LAMA2: variants seen among roughly 807,000 people sequenced by gnomAD.
LAMA2 encodes laminin subunit alpha 2, also known as laminin subunit alpha-2.
A neutral mutation model predicts 364.8 loss-of-function variants in LAMA2; 269 were observed. The observed-to-expected ratio is 0.74, with a 90% CI of 0.67 to 0.82. The LOEUF is 0.82. Among genes scored for constraint, LAMA2 ranks in the 40% least tolerant of loss-of-function variants. The pLI is 0.00. For synonymous variants in LAMA2, 1,379 were observed against 1,370.6 expected, an observed-to-expected ratio of 1.01 and a Z score of -0.14; for missense variants, 3,807 against 3,873.2, an observed-to-expected ratio of 0.98 and a Z score of 0.45.
At chr6:129,380,642 A>C (rs1778629961) in intron 34 of LAMA2, among the ~76,000 whole-genome samples, 1 of 152,222 alleles carries the variant, frequency 6.6e-6, no homozygotes, top group African/African-American at 2.4e-5. Context: ...CCCAGTCTTT[A>C]CAGGTGTTGA....
intron 12 of LAMA2, among the ~76,000 whole-genome samples, chr6:129,225,169 C>T (rs531432262): frequency 1.7e-4 from 26 of 152,192 alleles, no homozygotes; most frequent in Admixed American, 5.9e-4. Context: ...TCTGTGGGAT[C>T]GGTGGTGATA....
intron 45 of LAMA2, among the ~76,000 whole-genome samples, chr6:129,447,873 G>A (rs1423155914): frequency 6.6e-6 from 1 of 152,244 alleles, no homozygotes; most frequent in Non-Finnish European, 1.5e-5. Flanking sequence ...ATCAAGTGGA[G>A]AAATCTAGAC....
chr6:129,066,038 G>GT (rs544271722), intron 3 of LAMA2, among the ~76,000 whole-genome samples: 804 of 37,100 alleles, frequency 0.022, 91 homozygotes, highest in African/African-American at 0.057. Context: ...CCAGTCTCAG[G>GT]TTTTTTTTTT....
At chr6:129,455,926 G>T (rs1031138778) in intron 47 of LAMA2, among the ~76,000 whole-genome samples, 2 of 152,136 alleles carry the variant, frequency 1.3e-5, no homozygotes, top group Non-Finnish European at 2.9e-5. Context: ...AATTAAATTA[G>T]ACAAAATGCT....
chr6:128,945,796 T>C (rs1450677932), intron 1 of LAMA2, among the ~76,000 whole-genome samples: 1 of 152,188 alleles, frequency 6.6e-6, no homozygotes. Context: ...GATTGGAGCC[T>C]GTGAATATGA....
intron 51 of LAMA2, among the ~76,000 whole-genome samples, chr6:129,468,202 A>C (rs1169806719): frequency 6.6e-6 from 1 of 151,696 alleles, no homozygotes; most frequent in African/African-American, 2.4e-5. Context: ...TTGTATCTCT[A>C]TGGTATCACC....
intron 29 of LAMA2, among the ~76,000 whole-genome samples, chr6:129,338,343 T>G (rs1167102594): frequency 6.6e-6 from 1 of 152,218 alleles, no homozygotes; most frequent in African/African-American, 2.4e-5. Context: ...CACTCCCCAG[T>G]TAACACTTAT....
intron 12 of LAMA2, among the ~76,000 whole-genome samples, chr6:129,219,571 C>T (rs1783658455): frequency 2.0e-5 from 3 of 149,724 alleles, no homozygotes; most frequent in Admixed American, 1.3e-4. Context: ...AGACTTGGAA[C>T]CAACCCAAAT....
intron 55 of LAMA2, among the ~76,000 whole-genome samples, chr6:129,485,432 T>C (rs1404231998): frequency 1.3e-5 from 2 of 152,252 alleles, no homozygotes; most frequent in African/African-American, 4.8e-5. Context: ...TAAAATATCA[T>C]AGTATATGCT....
chr6:129,282,998 A>T (rs1234945260), intron 18 of LAMA2, among the ~76,000 whole-genome samples: 2 of 152,178 alleles, frequency 1.3e-5, no homozygotes, highest in Non-Finnish European at 2.9e-5. Flanking sequence ...GAATGGCCAA[A>T]CAAGATACAA....
chr6:129,123,320 A>G (rs1322772344), intron 4 of LAMA2, among the ~76,000 whole-genome samples: 1 of 151,304 alleles, frequency 6.6e-6, no homozygotes, highest in Non-Finnish European at 1.5e-5. Flanking sequence ...AAAAAAAAAA[A>G]GGAACTACCA....
intron 12 of LAMA2, among the ~76,000 whole-genome samples, chr6:129,246,694 A>T (rs1381813776): frequency 6.6e-6 from 1 of 152,162 alleles, no homozygotes; most frequent in Admixed American, 6.5e-5. Context: ...CTTGATGAGA[A>T]CCTACTTGGT....
rs1177329659 is a variant in LAMA2 at position 129,342,403 on chromosome 6, A to C, written c.4372A>C (p.Ile1458Leu). 1 of 1,613,340 alleles carries C rather than the reference A, an allele frequency of 6.2e-7. No homozygotes were observed. The highest frequency in any genetic ancestry group is 1.7e-5 in the Admixed American group (1 of 60,014). The change falls in exon 30 of 65, where the codon ATT becomes CTT. Residue 1458 changes from isoleucine to leucine, a missense_variant. Physicochemically the swap from Ile to Leu is conservative, Grantham distance 5. Around this residue, in one of 3 missense-constraint regions of LAMA2, gnomAD observed 3,333 missense variants for 3,345.7 expected, o/e 1.00. Transcript: ENST00000421865. ...ACGATGTGCTCTTGGATACTATGGAATTGTCAAGGGATTGCCAAATGACTG... is the reference window on the plus strand; with the variant it reads ...ACGATGTGCTCTTGGATACTATGGACTTGTCAAGGGATTGCCAAATGACTG... The part of the protein sequence containing the change: ...CERCALGYYG[I>L]VKGLPNDCQQ...
In LAMA2 at chr6:129,288,033, T is replaced by C. The variant is rs1026572611; in HGVS notation, c.2724T>C (p.Asp908=). 1.2e-5 allele frequency: 20 copies of C among 1,614,062 alleles called. No homozygotes were observed. Among genetic ancestry groups the C allele is most frequent in the East Asian group, 2.2e-5 (1 of 44,882 alleles). ...TCTGTGCTGATGGATATTTTGGAGA[T>C]GCAGTTGATGCGAAGAACTGTCAGC... The part of the protein sequence containing the change: ...CELCADGYFG[D]AVDAKNCQPC... Residue 908 remains aspartate, a synonymous_variant, in exon 19 of 65, where the codon GAT becomes GAC. Transcript: ENST00000421865.
chr6:128,888,990 T>A (rs1776298862), intron 1 of LAMA2, among the ~76,000 whole-genome samples: 1 of 152,232 alleles, frequency 6.6e-6, no homozygotes, highest in African/African-American at 2.4e-5. Flanking sequence ...TTCAACCATC[T>A]TATCATGGTG....
intron 3 of LAMA2, among the ~76,000 whole-genome samples, chr6:129,066,788 G>T (rs1000104872): frequency 6.6e-5 from 10 of 152,194 alleles, no homozygotes; most frequent in Non-Finnish European, 1.2e-4. Context: ...ATGGTCAATT[G>T]ATTTTTGACA....
chr6:129,050,170 A>G, intron 2 of LAMA2, 82 bp downstream of exon 2: 1 of 1,360,160 alleles, frequency 7.4e-7, no homozygotes, highest in Non-Finnish European at 1.0e-6. Context: ...CATTAAATTC[A>G]AGGGTTTGTA....
At chr6:128,969,915 A>G (rs1782085561) in intron 1 of LAMA2, among the ~76,000 whole-genome samples, 1 of 152,224 alleles carries the variant, frequency 6.6e-6, no homozygotes, top group Admixed American at 6.5e-5. Flanking sequence ...ATTGTAGCTC[A>G]TGTTGCAGTT....
At chr6:128,941,388 G>T (rs1780145308) in intron 1 of LAMA2, among the ~76,000 whole-genome samples, 1 of 152,140 alleles carries the variant, frequency 6.6e-6, no homozygotes, top group Admixed American at 6.5e-5. Context: ...TGTTAGAAGG[G>T]TCAATCTGAA....
Sources: allele counts gnomAD v4.1 joint callset (sites outside exome capture counted in the v4.1 genomes callset), GRCh38; gene constraint gnomAD v4.1.1; regional missense constraint gnomAD v4.1.1; transcripts MANE v1.5; gene names NCBI Gene and HGNC (gene_info 2026-07-23, HGNC 2026-07-21).